Variants in DNAAF5 observed in about 807,000 individuals in gnomAD.
The protein encoded by DNAAF5 is dynein axonemal assembly factor 5.
In DNAAF5, 64 loss-of-function variants were observed where a neutral mutation model predicts 75.8. The observed-to-expected ratio is 0.84, with a 90% CI of 0.69 to 1.04. The LOEUF is 1.04. Ranked by LOEUF, DNAAF5 falls within the 50% of genes least tolerant of loss-of-function variation. The pLI is 0.00. For missense variants in DNAAF5, 1,269 were observed against 1,178.5 expected, an observed-to-expected ratio of 1.08 and a Z score of -1.12; for synonymous variants, 657 against 557.2, an observed-to-expected ratio of 1.18 and a Z score of -2.52.
At chr7:770,362 C>G (rs1421039533) in intron 8 of DNAAF5, 109 bp from the exon 9 acceptor site, 2 of 950,444 alleles carry the variant, frequency 2.1e-6, no homozygotes, top group Admixed American at 5.5e-5. Context: ...AGGTGGTGGC[C>G]GATAGTGCCC....
intron 1 of DNAAF5, chr7:727,594 T>G: frequency 2.2e-5 from 4 of 183,776 alleles, no homozygotes; most frequent in Non-Finnish European, 3.3e-5. Flanking sequence ...ATGTACCTGT[T>G]TCCTGCGCTG....
chr7:734,907 C>T (rs911449239), intron 2 of DNAAF5, among the ~76,000 whole-genome samples: 2 of 150,554 alleles, frequency 1.3e-5, no homozygotes, highest in African/African-American at 2.5e-5. Flanking sequence ...CGGTGTTGCT[C>T]ACAGTGTCGT....
chr7:771,653 C>T (rs1421702030), intron 9 of DNAAF5: 3 of 152,228 alleles, frequency 2.0e-5, no homozygotes, highest in South Asian at 2.1e-4. Context: ...AGATATGAAC[C>T]GAGAGCCGTG....
At position 756,824 on chromosome 7, in the gene DNAAF5, G is replaced by C; in HGVS notation, c.1300G>C (p.Glu434Gln). 6.2e-7 allele frequency: 1 copy of C among 1,614,048 alleles called. No individual in the cohort carries two copies. Among genetic ancestry groups the C allele is most frequent in the Non-Finnish European group, 8.5e-7 (1 of 1,180,026 alleles). ...AELVGTFVSP[E>Q]VFLKLILSTL... Reference sequence around the variant, plus strand: ...GCTCGTCGGGACGTTTGTCAGCCCTGAGGTGTTTCTGAAGCTGATCTTATC... The same window carrying C: ...GCTCGTCGGGACGTTTGTCAGCCCTCAGGTGTTTCTGAAGCTGATCTTATC... The change falls in exon 6 of 13, where the codon GAG becomes CAG. Residue 434 changes from glutamate to glutamine, a missense_variant. Transcript: ENST00000297440.
intron 1 of DNAAF5, among the ~76,000 whole-genome samples, chr7:727,829 A>C (rs1191597839): frequency 6.7e-5 from 7 of 104,928 alleles, no homozygotes; most frequent in Admixed American, 1.9e-4. Flanking sequence ...AGCCCCCTCC[A>C]CCCCACCCGG....
At chr7:733,001 G>A (rs1472487238) in intron 2 of DNAAF5, among the ~76,000 whole-genome samples, 1 of 152,146 alleles carries the variant, frequency 6.6e-6, no homozygotes, top group African/African-American at 2.4e-5. Context: ...TGCATATGGA[G>A]TTCCAGTTTT....
chr7:727,566 C>G (rs1429632613), intron 1 of DNAAF5: 1 of 259,606 alleles, frequency 3.9e-6, no homozygotes, highest in Admixed American at 5.7e-5. Context: ...TTCAGCTGCT[C>G]CCTTGTCCTC....
At chr7:780,265 C>T (rs73260308) in intron 12 of DNAAF5, 121 bp downstream of exon 12, 109 of 838,628 alleles carry the variant, frequency 1.3e-4, no homozygotes, top group African/African-American at 7.0e-4. Flanking sequence ...GCCTCAGCTC[C>T]GGCCTGGCAC....
In DNAAF5 at chr7:741,455, C is replaced by T. The variant is rs769283905; in HGVS notation, c.1014C>T (p.Tyr338=). 15 of 927,998 alleles carry T rather than the reference C, an allele frequency of 1.6e-5. No homozygotes were observed. Among genetic ancestry groups the T allele is most frequent in the Non-Finnish European group, 2.3e-5 (15 of 638,838 alleles). 57.5% of individuals were successfully genotyped at this position (927,998 alleles called of 1,614,324 possible). Reference sequence around the variant, plus strand: ...TTGCCCCTCCCACCCCACCCCATTACCCTCCACATGGTGAGTGACCGCGGC... The same window carrying T: ...TTGCCCCTCCCACCCCACCCCATTATCCTCCACATGGTGAGTGACCGCGGC... ...LDFAPPTPPH[Y]PPHERRPVLG... Residue 338 remains tyrosine, a synonymous_variant, in exon 4 of 13, where the codon TAC becomes TAT. Transcript: ENST00000297440.
At chr7:730,997 G>A (rs1041708945) in intron 2 of DNAAF5, among the ~76,000 whole-genome samples, 1 of 152,206 alleles carries the variant, frequency 6.6e-6, no homozygotes, top group Non-Finnish European at 1.5e-5. Flanking sequence ...ACTTGCAGCA[G>A]GCACTTCTGG....
chr7:757,883 G>A (rs1486889500), intron 6 of DNAAF5, among the ~76,000 whole-genome samples: 1 of 152,262 alleles, frequency 6.6e-6, no homozygotes, highest in Admixed American at 6.5e-5. Flanking sequence ...AAGCTGGCCT[G>A]GGGCACGGGG....
In DNAAF5 at chr7:727,249, G is replaced by T. The variant is rs1262866371; in HGVS notation, c.529G>T (p.Asp177Tyr). Residue 177 changes from aspartate (D) to tyrosine (Y), a missense_variant, in exon 1 of 13, where the codon GAC (aspartate) becomes TAC (tyrosine). Asp to Tyr is a radical substitution (Grantham distance 160). Transcript: ENST00000297440. ...ALRALRCSLL[D>Y]PFAAVRRESC... Reference sequence around the variant, plus strand: ...GCGCGCGCTGCGCTGCTCCCTGCTCGACCCCTTCGCCGCCGTGCGCCGCGA... The same window carrying T: ...GCGCGCGCTGCGCTGCTCCCTGCTCTACCCCTTCGCCGCCGTGCGCCGCGA... 1 of 1,344,500 alleles carries T rather than the reference G, an allele frequency of 7.4e-7. No homozygotes were observed. The highest frequency in any genetic ancestry group is 9.5e-7 in the Non-Finnish European group (1 of 1,050,944). 83.3% of individuals were successfully genotyped at this position (1,344,500 alleles called of 1,614,324 possible).
intron 11 of DNAAF5, among the ~76,000 whole-genome samples, chr7:775,999 G>A (rs1246852072): frequency 6.6e-6 from 1 of 152,172 alleles, no homozygotes; most frequent in Non-Finnish European, 1.5e-5. Flanking sequence ...CAGATACCAA[G>A]GGACGACTGT....
intron 4 of DNAAF5, among the ~76,000 whole-genome samples, chr7:742,790 A>G (rs1781951812): frequency 6.6e-6 from 1 of 151,126 alleles, no homozygotes; most frequent in African/African-American, 2.4e-5. Flanking sequence ...CCCAGCTCAA[A>G]TCAATCATGC....
At chr7:745,648 C>T (rs1031483394) in intron 4 of DNAAF5, among the ~76,000 whole-genome samples, 7 of 152,016 alleles carry the variant, frequency 4.6e-5, no homozygotes, top group South Asian at 2.1e-4. Flanking sequence ...TCCTCACACA[C>T]GTACACACTT....
chr7:767,113 C>T (rs1474203405), intron 8 of DNAAF5, among the ~76,000 whole-genome samples: 1 of 151,920 alleles, frequency 6.6e-6, no homozygotes, highest in East Asian at 1.9e-4. Context: ...GTGGCGGGCG[C>T]TTGTGGTCCC....
At chr7:770,710 G>T (rs922615105) in intron 9 of DNAAF5, 92 bp downstream of exon 9, 2 of 1,238,870 alleles carry the variant, frequency 1.6e-6, no homozygotes, top group Non-Finnish European at 2.3e-6. Flanking sequence ...GAGCAAGGGG[G>T]TTCCCACCTC....
At chr7:769,123 G>A (rs768591513) in intron 8 of DNAAF5, 11 of 763,368 alleles carry the variant, frequency 1.4e-5, no homozygotes, top group South Asian at 1.4e-4. Flanking sequence ...GGGGGTCTCA[G>A]TCCACTACCG....
At chr7:782,554 G>A (rs1273596856) in intron 12 of DNAAF5, among the ~76,000 whole-genome samples, 7 of 138,944 alleles carry the variant, frequency 5.0e-5, no homozygotes, top group Non-Finnish European at 1.1e-4. Flanking sequence ...GCCGCCTCCC[G>A]TCACGCGGCG....
Sources: allele counts gnomAD v4.1 joint callset (sites outside exome capture counted in the v4.1 genomes callset), GRCh38; gene constraint gnomAD v4.1.1; transcripts MANE v1.5; gene names NCBI Gene and HGNC (gene_info 2026-07-23, HGNC 2026-07-21).